The following SIL1 variants were observed in gnomAD, a reference collection of about 807,000 sequenced individuals.
The protein encoded by SIL1 is nucleotide exchange factor SIL1.
A neutral mutation model predicts 49.1 loss-of-function variants in SIL1; 40 were observed. The ratio of observed to expected loss-of-function variants is 0.81; its 90% CI spans 0.63 to 1.06. SIL1 has a LOEUF of 1.06. Among genes scored for constraint, SIL1 ranks in the 50% least tolerant of loss-of-function variants. The pLI is 0.00. For synonymous variants in SIL1, 253 were observed against 250.8 expected, an observed-to-expected ratio of 1.01 and a Z score of -0.08; for missense variants, 500 against 572.6, an observed-to-expected ratio of 0.87 and a Z score of 1.29.
At chr5:139,002,032 G>A (rs1181936401) in intron 7 of SIL1, among the ~76,000 whole-genome samples, 1 of 152,042 alleles carries the variant, frequency 6.6e-6, no homozygotes, top group African/African-American at 2.4e-5. Flanking sequence ...GCAACATGGT[G>A]AAACCCTGTC....
chr5:139,132,183 C>G (rs1380918542), intron 1 of SIL1, among the ~76,000 whole-genome samples: 1 of 152,032 alleles, frequency 6.6e-6, no homozygotes, highest in Non-Finnish European at 1.5e-5. Flanking sequence ...TAGTCAAGGG[C>G]AAAGAAGACA....
At chr5:139,010,041 A>G (rs1329090286) in intron 7 of SIL1, among the ~76,000 whole-genome samples, 1 of 150,382 alleles carries the variant, frequency 6.6e-6, no homozygotes, top group East Asian at 2.0e-4. Context: ...TCTCCTGGAT[A>G]ATATCCTGCA....
At chr5:139,145,872 AAC>A (rs1751185981) in intron 1 of SIL1, among the ~76,000 whole-genome samples, 1 of 152,090 alleles carries the variant, frequency 6.6e-6, no homozygotes, top group Non-Finnish European at 1.5e-5. Context: ...CAGCCTGGGC[AAC>A]ACAGAGAGAC....
intron 5 of SIL1, among the ~76,000 whole-genome samples, chr5:139,032,154 T>G (rs1487008444): frequency 1.3e-5 from 2 of 152,254 alleles, no homozygotes; most frequent in Non-Finnish European, 2.9e-5. Context: ...GGCTTGTTTC[T>G]GACCTCAGTG....
In SIL1 at chr5:138,969,821, C is replaced by T. The variant is rs1355474572; in HGVS notation, c.768-17937G>A. 2.0e-5 allele frequency among the ~76,000 whole-genome samples: 3 copies of T among 152,226 alleles called. No individual in the cohort carries two copies. In the South Asian group the frequency reaches 6.2e-4, roughly 32 times the overall value. Reference sequence around the variant, plus strand: ...GAACAATGAATCTGCCACAGAGAGACATCTAACAGCCTCACAAGGGCCTTG... The same window carrying T: ...GAACAATGAATCTGCCACAGAGAGATATCTAACAGCCTCACAAGGGCCTTG... On this transcript the variant is annotated intron_variant, in intron 7 of 9. Transcript: ENST00000394817.
chr5:139,110,352 C>T (rs959012615), intron 3 of SIL1, among the ~76,000 whole-genome samples: 60 of 150,564 alleles, frequency 4.0e-4, no homozygotes, highest in African/African-American at 1.3e-3. Flanking sequence ...TCCTTAAAAA[C>T]TCACCCCTGC....
intron 1 of SIL1, chr5:139,137,252 G>T: frequency 1.4e-6 from 1 of 693,920 alleles, no homozygotes; most frequent in South Asian, 1.5e-5. Context: ...TACTCTTCAC[G>T]ACAACCCTCT....
chr5:139,122,061 G>T (rs1306483341), intron 2 of SIL1, among the ~76,000 whole-genome samples: 1 of 152,112 alleles, frequency 6.6e-6, no homozygotes, highest in African/African-American at 2.4e-5. Context: ...AAACAAGGAG[G>T]AACCCACATT....
At chr5:139,090,402 C>A (rs1770317634) in intron 3 of SIL1, among the ~76,000 whole-genome samples, 1 of 152,152 alleles carries the variant, frequency 6.6e-6, no homozygotes, top group African/African-American at 2.4e-5. Flanking sequence ...CATCTAGATA[C>A]ACATACACAC....
chr5:139,096,700 C>CTT (rs1770474264), intron 3 of SIL1, among the ~76,000 whole-genome samples: 1 of 151,884 alleles, frequency 6.6e-6, no homozygotes, highest in Non-Finnish European at 1.5e-5. Flanking sequence ...CTAGACACAC[C>CTT]CTGGCCAAAA....
intron 4 of SIL1, among the ~76,000 whole-genome samples, chr5:139,047,815 C>CT (rs1769199143): frequency 6.6e-6 from 1 of 152,194 alleles, no homozygotes; most frequent in South Asian, 2.1e-4. Flanking sequence ...ATAGGTTTGC[C>CT]ATTAGCTATA....
chr5:138,961,044 G>C (rs560553119), intron 7 of SIL1, among the ~76,000 whole-genome samples: 1 of 152,280 alleles, frequency 6.6e-6, no homozygotes, highest in South Asian at 2.1e-4. Flanking sequence ...ATGGAGGGAT[G>C]GGGGAGGGAG....
intron 1 of SIL1, among the ~76,000 whole-genome samples, chr5:139,165,302 C>A (rs1189993264): frequency 6.6e-6 from 1 of 152,144 alleles, no homozygotes; most frequent in Non-Finnish European, 1.5e-5. Flanking sequence ...CCTGGAAGCC[C>A]CCACTTTGAG....
chr5:139,027,929 G>C (rs1429278243), intron 5 of SIL1, among the ~76,000 whole-genome samples: 1 of 152,130 alleles, frequency 6.6e-6, no homozygotes, highest in African/African-American at 2.4e-5. Flanking sequence ...CCAAAGAAAT[G>C]AATCAGCCTC....
chr5:139,181,863 C>G (rs1199526006), intron 1 of SIL1, among the ~76,000 whole-genome samples: 2 of 152,112 alleles, frequency 1.3e-5, no homozygotes, highest in Non-Finnish European at 2.9e-5. Flanking sequence ...ACACATTAGC[C>G]CTATTAAAGT....
chr5:138,964,031 C>G (rs536562214), intron 7 of SIL1, among the ~76,000 whole-genome samples: 22 of 152,304 alleles, frequency 1.4e-4, no homozygotes, highest in Non-Finnish European at 3.1e-4. Flanking sequence ...TGCTCAAGGC[C>G]CTTTGACCTG....
chr5:139,058,964 A>ATGTGTGTGTGTGTGTGTGTGTG (rs113502024), intron 3 of SIL1, among the ~76,000 whole-genome samples: 8 of 86,768 alleles, frequency 9.2e-5, no homozygotes, highest in African/African-American at 4.5e-4. Flanking sequence ...GGAGCTAGAA[A>ATGTGTGTGTGTGTGTGTGTGTG]TGTGTATGTG....
chr5:139,141,424 T>A (rs1167522161), intron 1 of SIL1, among the ~76,000 whole-genome samples: 1 of 151,224 alleles, frequency 6.6e-6, no homozygotes, highest in East Asian at 1.9e-4. Context: ...GGTAGGAGGA[T>A]GACTTGAAGC....
rs545975895 is a variant in SIL1, at chr5:139,044,276, CCA to C, written c.354-1559_354-1558del. Among the ~76,000 whole-genome samples the C allele has an allele frequency of 9.9e-5, 15 of 152,240 alleles. No homozygotes were observed. The East Asian group carries it at 2.7e-3, about 27-fold the overall frequency. On this transcript the variant is annotated intron_variant, in intron 4 of 9. Coordinates refer to ENST00000394817, the MANE Select transcript of SIL1 (RefSeq NM_022464.5). ...CATCCACTGCCAATGTGTGAGGATA[CCA>C]CTGCCCCACCCCACATACCCAAGAG... is the stretch of plus-strand genomic sequence containing the variant.
Sources: gnomAD v4.1 joint callset for allele counts (sites outside exome capture counted in the v4.1 genomes callset) on GRCh38, gnomAD v4.1.1 for gene constraint, MANE v1.5 for transcripts, NCBI Gene and HGNC (gene_info 2026-07-23, HGNC 2026-07-21) for gene names.